Variants in RFX3 observed in about 807,000 individuals in gnomAD.
RFX3 encodes the protein transcription factor RFX3.
In RFX3, 14 loss-of-function variants were observed where a neutral mutation model predicts 98.6. That is an observed-to-expected ratio of 0.14 (90% confidence interval 0.09 to 0.22). The LOEUF is 0.22. Among genes scored for constraint, RFX3 ranks in the 10% least tolerant of loss-of-function variants. The pLI, the probability that RFX3 is intolerant of heterozygous loss-of-function variation, is 1.00. For synonymous variants in RFX3, 383 were observed against 328.4 expected (o/e 1.17, Z -1.80); for missense variants, 639 against 926.9 (o/e 0.69, Z 4.03).
intron 1 of RFX3, among the ~76,000 whole-genome samples, chr9:3,519,549 T>C (rs566777504): frequency 6.3e-4 from 96 of 152,302 alleles, no homozygotes; most frequent in Non-Finnish European, 1.1e-3. Flanking sequence ...GTACGTTACA[T>C]AAATTATCTC....
At chr9:3,349,262 A>T (rs1033573274) in intron 2 of RFX3, among the ~76,000 whole-genome samples, 13 of 152,172 alleles carry the variant, frequency 8.5e-5, no homozygotes, top group African/African-American at 3.1e-4. Context: ...TTTCAAAATA[A>T]AAATATCATA....
At chr9:3,410,814 A>G (rs1587562984) in intron 1 of RFX3, among the ~76,000 whole-genome samples, 1 of 152,358 alleles carries the variant, frequency 6.6e-6, no homozygotes, top group South Asian at 2.1e-4. Context: ...CTTTGTACAA[A>G]TGTAACTCTG....
chr9:3,258,509 C>T (rs775783366), intron 13 of RFX3, among the ~76,000 whole-genome samples: 1 of 151,988 alleles, frequency 6.6e-6, no homozygotes, highest in Non-Finnish European at 1.5e-5. Flanking sequence ...ATTTTATTTT[C>T]CCAGGGAAAC....
chr9:3,292,987 G>A (rs1351609105), intron 6 of RFX3, 90 bp downstream of exon 6: 3 of 1,006,312 alleles, frequency 3.0e-6, no homozygotes, highest in Non-Finnish European at 4.4e-6. Context: ...TATATTGTCT[G>A]TAATCAAGTA....
intron 1 of RFX3, among the ~76,000 whole-genome samples, chr9:3,477,973 C>T (rs1849416689): frequency 6.6e-6 from 1 of 152,066 alleles, no homozygotes; most frequent in South Asian, 2.1e-4. Context: ...TTTTAAGCTC[C>T]AGAACTTCCT....
intron 1 of RFX3, among the ~76,000 whole-genome samples, chr9:3,417,489 A>T (rs1843082715): frequency 6.6e-6 from 1 of 152,146 alleles, no homozygotes; most frequent in South Asian, 2.1e-4. Flanking sequence ...TATGATCACA[A>T]AAGAATTAAG....
chr9:3,412,264 C>G (rs1368641810), intron 1 of RFX3, among the ~76,000 whole-genome samples: 2 of 152,150 alleles, frequency 1.3e-5, no homozygotes, highest in African/African-American at 4.8e-5. Context: ...CTCACAGACT[C>G]TAAGGTTGGA....
intron 1 of RFX3, among the ~76,000 whole-genome samples, chr9:3,424,362 T>C (rs1190008808): frequency 2.8e-5 from 3 of 106,632 alleles, no homozygotes; most frequent in East Asian, 2.6e-4. Context: ...TTTTTTTTTT[T>C]TTTTTTTTTT....
intron 1 of RFX3, among the ~76,000 whole-genome samples, chr9:3,498,091 C>T (rs1365107060): frequency 6.6e-6 from 1 of 151,960 alleles, no homozygotes; most frequent in Non-Finnish European, 1.5e-5. Context: ...TTGATGGAAG[C>T]ATCTTGTTTC....
At chr9:3,312,975 G>A (rs934785294) in intron 4 of RFX3, among the ~76,000 whole-genome samples, 5 of 152,226 alleles carry the variant, frequency 3.3e-5, no homozygotes, top group Non-Finnish European at 7.3e-5. Context: ...AGAAACTTCT[G>A]CAGACTTAAA....
intron 7 of RFX3, among the ~76,000 whole-genome samples, chr9:3,286,793 G>T (rs1586885395): frequency 1.3e-5 from 2 of 151,924 alleles, no homozygotes; most frequent in East Asian, 1.9e-4. Flanking sequence ...TTCTCCTTCT[G>T]TAATACCAGC....
chr9:3,231,287 A>C (rs1034254357), intron 15 of RFX3, among the ~76,000 whole-genome samples: 10 of 152,212 alleles, frequency 6.6e-5, no homozygotes, highest in Non-Finnish European at 2.9e-5. Flanking sequence ...ATAGAGCTGA[A>C]GGTAAAGGCT....
chr9:3,242,661 C>T (rs1460020728), intron 15 of RFX3, among the ~76,000 whole-genome samples: 2 of 152,000 alleles, frequency 1.3e-5, no homozygotes, highest in Non-Finnish European at 2.9e-5. Context: ...CTTACATGTT[C>T]AATTATTATT....
intron 1 of RFX3, among the ~76,000 whole-genome samples, chr9:3,501,188 A>C (rs868245705): frequency 2.1e-4 from 32 of 152,214 alleles, no homozygotes; most frequent in African/African-American, 7.7e-4. Flanking sequence ...ACACCCTATT[A>C]CATTTGCTTC....
At chr9:3,414,156 G>A (rs1410021410) in intron 1 of RFX3, among the ~76,000 whole-genome samples, 1 of 152,056 alleles carries the variant, frequency 6.6e-6, no homozygotes, top group Non-Finnish European at 1.5e-5. Context: ...TTTCCTAAGA[G>A]CTCAACATTG....
intron 1 of RFX3, among the ~76,000 whole-genome samples, chr9:3,490,947 G>C (rs977277863): frequency 3.9e-5 from 6 of 152,022 alleles, no homozygotes; most frequent in African/African-American, 1.4e-4. Context: ...ACATGTATGT[G>C]TTTATGTATG....
chr9:3,469,079 G>A, intron 1 of RFX3: 1 of 351,192 alleles, frequency 2.8e-6, no homozygotes. Flanking sequence ...AAACATTCAA[G>A]TGAAAGCCCA....
intron 5 of RFX3, among the ~76,000 whole-genome samples, chr9:3,293,574 C>G (rs547650487): frequency 2.0e-5 from 3 of 152,210 alleles, no homozygotes; most frequent in East Asian, 1.9e-4. Flanking sequence ...TTCAAATAAT[C>G]CCGTTAACTG....
chr9:3,294,007 T>C (rs1489781807), intron 5 of RFX3, among the ~76,000 whole-genome samples: 1 of 152,218 alleles, frequency 6.6e-6, no homozygotes, highest in Non-Finnish European at 1.5e-5. Flanking sequence ...TCAGTCTATG[T>C]TCACATTCTA....
Sources: gnomAD v4.1 joint callset for allele counts (sites outside exome capture counted in the v4.1 genomes callset) on GRCh38, gnomAD v4.1.1 for gene constraint, MANE v1.5 for transcripts, NCBI Gene and HGNC (gene_info 2026-07-23, HGNC 2026-07-21) for gene names.